The following LRRK1 variants were observed in gnomAD, a reference collection of about 807,000 sequenced individuals.
LRRK1 encodes the protein leucine-rich repeat serine/threonine-protein kinase 1.
A neutral mutation model predicts 209.1 loss-of-function variants in LRRK1; 113 were observed. The ratio of observed to expected loss-of-function variants is 0.54; its 90% CI spans 0.46 to 0.63. LRRK1 has a LOEUF of 0.63. Among genes scored for constraint, LRRK1 ranks in the 30% least tolerant of loss-of-function variants. LRRK1 has a pLI of 0.00. For synonymous variants in LRRK1, 1,144 were observed against 1,099.7 expected (o/e 1.04, Z -0.80); for missense variants, 2,284 against 2,632.2 (o/e 0.87, Z 2.89).
chr15:100,963,092 G>A (rs1236612576), intron 2 of LRRK1, among the ~76,000 whole-genome samples: 2 of 151,486 alleles, frequency 1.3e-5, no homozygotes, highest in Non-Finnish European at 2.9e-5. Flanking sequence ...CAAAGTGCTG[G>A]GATTACAGGC....
chr15:100,995,866 C>G (rs953252858), intron 6 of LRRK1, among the ~76,000 whole-genome samples: 5 of 152,216 alleles, frequency 3.3e-5, no homozygotes, highest in Non-Finnish European at 5.9e-5. Context: ...CTAATGATTT[C>G]AAATCTGGCA....
intron 2 of LRRK1, among the ~76,000 whole-genome samples, chr15:100,968,626 CCTCT>C (rs374012860): frequency 9.2e-5 from 14 of 151,738 alleles, no homozygotes; most frequent in East Asian, 1.9e-4. Context: ...AAATCTTTGC[CCTCT>C]CTCTTTCTTT....
chr15:100,950,775 C>G (rs949851789), intron 2 of LRRK1, among the ~76,000 whole-genome samples: 1 of 152,170 alleles, frequency 6.6e-6, no homozygotes, highest in African/African-American at 2.4e-5. Flanking sequence ...ATATAAAGAA[C>G]TCTCACAATT....
At chr15:100,930,077 A>G (rs1286641258) in intron 2 of LRRK1, among the ~76,000 whole-genome samples, 1 of 152,320 alleles carries the variant, frequency 6.6e-6, no homozygotes, top group East Asian at 1.9e-4. Flanking sequence ...ACTTCTAGCA[A>G]TGGGGAGCTG....
At chr15:100,966,201 A>G (rs1439313686) in intron 2 of LRRK1, among the ~76,000 whole-genome samples, 1 of 152,258 alleles carries the variant, frequency 6.6e-6, no homozygotes, top group Non-Finnish European at 1.5e-5. Context: ...TTTTGGAGAA[A>G]AAAATGACTA....
chr15:101,060,979 T>C (rs2036140159), intron 29 of LRRK1, among the ~76,000 whole-genome samples, 192 bp from the exon 30 acceptor site: 1 of 152,230 alleles, frequency 6.6e-6, no homozygotes, highest in South Asian at 2.1e-4. Flanking sequence ...CTCTGGCGAA[T>C]GCCCTTCCTG....
At chr15:101,040,288 CAATA>C (rs1442063229) in intron 20 of LRRK1, among the ~76,000 whole-genome samples, 2 of 149,916 alleles carry the variant, frequency 1.3e-5, no homozygotes, top group African/African-American at 2.5e-5. Flanking sequence ...ATTTTTTTTT[CAATA>C]AATTTTTTCA....
intron 1 of LRRK1, 90 bp from the exon 2 acceptor site, chr15:100,924,421 G>C: frequency 1.8e-6 from 1 of 569,534 alleles, no homozygotes. Flanking sequence ...ATGTTGCAGA[G>C]GGAAAACTAA....
chr15:100,955,986 G>A (rs1184988903), intron 2 of LRRK1, among the ~76,000 whole-genome samples: 1 of 152,094 alleles, frequency 6.6e-6, no homozygotes, highest in African/African-American at 2.4e-5. Flanking sequence ...GTGGTAGGAG[G>A]TATTGCTAAT....
intron 2 of LRRK1, among the ~76,000 whole-genome samples, chr15:100,966,356 T>A (rs1206039664): frequency 1.3e-5 from 2 of 152,242 alleles, no homozygotes; most frequent in East Asian, 3.8e-4. Flanking sequence ...CTATTTAATT[T>A]TTTTTCAGTG....
chr15:100,981,588 G>T (rs1317746685), intron 3 of LRRK1, among the ~76,000 whole-genome samples: 1 of 152,138 alleles, frequency 6.6e-6, no homozygotes, highest in Non-Finnish European at 1.5e-5. Context: ...GGAAGTCTTG[G>T]ATGCAACAGA....
At position 101,069,808 on chromosome 15, in the gene LRRK1, C is replaced by T. The variant is rs2036720675; in HGVS notation, c.*960C>T. 6.6e-6 allele frequency: 1 copy of T among 152,534 alleles called. No individual in the cohort carries two copies. Among genetic ancestry groups the T allele is most frequent in the Admixed American group, 6.5e-5 (1 of 15,280 alleles). 9.4% of individuals were successfully genotyped at this position (152,534 alleles called of 1,614,324 possible). ...CACTGCACACGTGTACAGCGGAGTA[C>T]GAAAAGGAACGTTGTCCACAGGGGA... On this transcript the variant is annotated 3_prime_UTR_variant, in exon 34 of 34. Coordinates refer to ENST00000388948, the MANE Select transcript of LRRK1 (RefSeq NM_024652.6).
At chr15:101,037,225 C>T (rs2034526477) in intron 20 of LRRK1, among the ~76,000 whole-genome samples, 1 of 152,198 alleles carries the variant, frequency 6.6e-6, no homozygotes, top group Non-Finnish European at 1.5e-5. Flanking sequence ...GCAGTGCATG[C>T]TGGTATTGGC....
chr15:100,941,390 C>G (rs1431586593), intron 2 of LRRK1, among the ~76,000 whole-genome samples: 3 of 125,000 alleles, frequency 2.4e-5, no homozygotes, highest in Admixed American at 8.2e-5. Context: ...GTCTGTGTCT[C>G]TGTGTGTGTC....
rs372893809 is a variant in LRRK1 at position 100,944,180 on chromosome 15, G to GA, written c.97+19458dup. ...GCTTTAATATCAGGATATTGCTCAT[G>GA]AAAAAAAGGAGGAGACCTATTGTTG... On this transcript the variant is annotated intron_variant, in intron 2 of 33. Coordinates refer to ENST00000388948, the MANE Select transcript of LRRK1 (RefSeq NM_024652.6). 1.1e-3 allele frequency among the ~76,000 whole-genome samples: 164 copies of GA among 152,026 alleles called. 3 individuals are homozygous for GA. The highest frequency in any genetic ancestry group is 3.9e-3 in the African/African-American group (161 of 41,494).
At chr15:100,933,967 T>C (rs559954422) in intron 2 of LRRK1, among the ~76,000 whole-genome samples, 13 of 152,082 alleles carry the variant, frequency 8.5e-5, no homozygotes, top group Non-Finnish European at 1.9e-4. Context: ...AGCGTTGTGC[T>C]CCTGTGTTTT....
intron 20 of LRRK1, among the ~76,000 whole-genome samples, chr15:101,040,694 T>C (rs907912105): frequency 6.6e-6 from 1 of 152,232 alleles, no homozygotes; most frequent in Non-Finnish European, 1.5e-5. Context: ...CAAATACAAC[T>C]AATTTTGCTA....
chr15:101,063,583 C>CGCCCTCACTAAAT (rs969924038), intron 31 of LRRK1, among the ~76,000 whole-genome samples: 7 of 152,108 alleles, frequency 4.6e-5, no homozygotes, highest in African/African-American at 1.7e-4. Context: ...TGTGCATAGG[C>CGCCCTCACTAAAT]GCCCTCACTA....
Position 101,022,452 on chromosome 15 carries a change from T to C in LRRK1, c.1922T>C (p.Met641Thr). The C allele has an allele frequency of 6.2e-7, 1 of 1,614,250 alleles. No individual in the cohort carries two copies. Among genetic ancestry groups the C allele is most frequent in the Non-Finnish European group, 8.5e-7 (1 of 1,180,048 alleles). The stretch of plus-strand genomic sequence containing the variant: ...GCGGAAAAGTGCAAGCTGATGAAGA[T>C]GATCATCGTGGGTCCCCCGCGCCAG... Reference protein sequence around the residue: ...RKAEKCKLMKMIIVGPPRQGK... With the variant: ...RKAEKCKLMKTIIVGPPRQGK... Residue 641 changes from methionine to threonine, a missense_variant, in exon 15 of 34, where the codon ATG (methionine) becomes ACG (threonine). Transcript: ENST00000388948. This position sits in a 1 kb window ranked among gnomAD's most constrained non-coding sequence, Gnocchi z 4.0.
Sources: gnomAD v4.1 joint callset for allele counts (sites outside exome capture counted in the v4.1 genomes callset) on GRCh38, gnomAD v4.1.1 for gene constraint, Gnocchi (gnomAD v3.1) non-coding constraint, MANE v1.5 for transcripts, NCBI Gene and HGNC (gene_info 2026-07-23, HGNC 2026-07-21) for gene names.